PLCB1: variants seen among roughly 807,000 people sequenced by gnomAD.
PLCB1 encodes the protein phospholipase C beta 1, also known as 1-phosphatidylinositol 4,5-bisphosphate phosphodiesterase beta-1.
PLCB1 carries 46 observed loss-of-function variants against 161.8 expected under a neutral mutation model. The ratio of observed to expected loss-of-function variants is 0.28; its 90% CI spans 0.22 to 0.36. PLCB1 has a LOEUF of 0.36. Among genes scored for constraint, PLCB1 ranks in the 10% least tolerant of loss-of-function variants. The pLI is 1.00. For synonymous variants in PLCB1, 517 were observed against 503.7 expected (o/e 1.03, Z -0.35); for missense variants, 1,016 against 1,472.5 (o/e 0.69, Z 5.07).
At chr20:8,607,128 C>A (rs1035149422) in intron 3 of PLCB1, among the ~76,000 whole-genome samples, 2 of 152,188 alleles carry the variant, frequency 1.3e-5, no homozygotes, top group African/African-American at 4.8e-5. Context: ...CCATTTACCA[C>A]AGTCCCACAT....
chr20:8,519,464 C>T (rs1178356505), intron 3 of PLCB1, among the ~76,000 whole-genome samples: 1 of 152,054 alleles, frequency 6.6e-6, no homozygotes, highest in Non-Finnish European at 1.5e-5. Flanking sequence ...CAAAACGAAA[C>T]AAAGCACAGA....
Position 8,765,164 on chromosome 20 carries a change from A to G in PLCB1, c.2736A>G (p.Glu912=), listed in dbSNP as rs760894841. The change falls in exon 26 of 32, where the codon GAA becomes GAG. Residue 912 remains glutamate (E), a synonymous_variant. Transcript: ENST00000338037. ...AAGTGGAAGCACAGACCATCGAAGAACTAAAGCAACAGAAATCGTTTGTGA... is the reference window on the plus strand; with the variant it reads ...AAGTGGAAGCACAGACCATCGAAGAGCTAAAGCAACAGAAATCGTTTGTGA... ...LTEVEAQTIE[E]LKQQKSFVKL... is the part of the protein sequence containing the mutation. 4 of 1,613,810 alleles carry G rather than the reference A, an allele frequency of 2.5e-6. No individual in the cohort carries two copies. The Admixed American group carries it at 6.7e-5, about 27-fold the overall frequency.
At chr20:8,695,660 C>A (rs562238275) in intron 10 of PLCB1, among the ~76,000 whole-genome samples, 1 of 152,074 alleles carries the variant, frequency 6.6e-6, no homozygotes, top group African/African-American at 2.4e-5. Context: ...TATGATCACA[C>A]CACTGCACTC....
At position 8,599,928 on chromosome 20, in the gene PLCB1, C is replaced by T. The variant is rs1186569470; in HGVS notation, c.247-28366C>T. On this transcript the variant is annotated intron_variant, in intron 3 of 31. Coordinates refer to ENST00000338037, the MANE Select transcript of PLCB1 (RefSeq NM_015192.4). Reference sequence around the variant, plus strand: ...GCTTCTGCATTCTTCATGTAGTTCTCGAGCCTTGGTTTTCAGCTCCATCAG... The same window carrying T: ...GCTTCTGCATTCTTCATGTAGTTCTTGAGCCTTGGTTTTCAGCTCCATCAG... 3.1e-4 allele frequency among the ~76,000 whole-genome samples: 44 copies of T among 142,220 alleles called. No homozygotes were observed. In the Middle Eastern group the frequency reaches 0.019, roughly 60 times the overall value. The allele number at this position is 142,220 out of a possible 152,430, so 93.3% of individuals were successfully genotyped here. A position where few individuals can be genotyped will look rare whatever the true frequency, so the allele number is the denominator to read the frequency against.
chr20:8,578,633 GA>G (rs1368957432), intron 3 of PLCB1, among the ~76,000 whole-genome samples: 4 of 152,166 alleles, frequency 2.6e-5, no homozygotes, highest in Admixed American at 1.3e-4. Context: ...AATTCTTAGG[GA>G]AACAGCCTGT....
chr20:8,500,008 G>A (rs1013652408), intron 3 of PLCB1, among the ~76,000 whole-genome samples: 1 of 152,022 alleles, frequency 6.6e-6, no homozygotes, highest in Non-Finnish European at 1.5e-5. Context: ...ATGATGTAAG[G>A]AATTTACTAA....
chr20:8,133,346 A>G (rs903657504), intron 1 of PLCB1, among the ~76,000 whole-genome samples: 12 of 152,130 alleles, frequency 7.9e-5, no homozygotes, highest in Admixed American at 3.9e-4. Flanking sequence ...GCGGGGACAC[A>G]TCTGGGGAGG....
At chr20:8,778,020 G>C (rs936196524) in intron 27 of PLCB1, among the ~76,000 whole-genome samples, 1 of 152,082 alleles carries the variant, frequency 6.6e-6, no homozygotes, top group Non-Finnish European at 1.5e-5. Context: ...CCTCCCACCA[G>C]GTCCCGCCCA....
intron 14 of PLCB1, among the ~76,000 whole-genome samples, chr20:8,720,433 T>G (rs964444469): frequency 3.3e-5 from 5 of 152,198 alleles, no homozygotes; most frequent in African/African-American, 1.2e-4. Context: ...GCACCGCTAA[T>G]TTACCATTTG....
chr20:8,649,536 G>C, intron 7 of PLCB1, 87 bp downstream of exon 7: 1 of 902,408 alleles, frequency 1.1e-6, no homozygotes, highest in East Asian at 2.4e-5. Flanking sequence ...ACAGTTTTGA[G>C]AGGTAGGGCC....
At chr20:8,173,902 G>C (rs1278736986) in intron 2 of PLCB1, among the ~76,000 whole-genome samples, 1 of 152,174 alleles carries the variant, frequency 6.6e-6, no homozygotes, top group Non-Finnish European at 1.5e-5. Context: ...ATAGAAGATA[G>C]TGTCAGTGAA....
At chr20:8,234,771 A>C (rs1027142964) in intron 2 of PLCB1, among the ~76,000 whole-genome samples, 1 of 152,150 alleles carries the variant, frequency 6.6e-6, no homozygotes, top group Non-Finnish European at 1.5e-5. Context: ...TAGAAACAGT[A>C]TTTAACTAAA....
At chr20:8,444,496 C>T (rs2122624547) in intron 3 of PLCB1, among the ~76,000 whole-genome samples, 1 of 152,214 alleles carries the variant, frequency 6.6e-6, no homozygotes. Context: ...GTGAATAGTG[C>T]CGCAATAAAC....
chr20:8,390,398 A>G (rs1232778), intron 3 of PLCB1, among the ~76,000 whole-genome samples: 36,646 of 152,054 alleles, frequency 0.24, 4,665 homozygotes, highest in South Asian at 0.42. Context: ...ACCTCTTTAA[A>G]GCACTATTGC....
intron 31 of PLCB1, among the ~76,000 whole-genome samples, chr20:8,849,840 T>A (rs974604566): frequency 6.6e-6 from 1 of 151,086 alleles, no homozygotes; most frequent in African/African-American, 2.4e-5. Context: ...TGGTGAAACC[T>A]CATATCTACT....
intron 2 of PLCB1, among the ~76,000 whole-genome samples, chr20:8,267,588 A>T (rs78272530): frequency 0.012 from 1,782 of 152,258 alleles, 38 homozygotes; most frequent in African/African-American, 0.04. Context: ...CTCTGGTTTT[A>T]GAAAACTCAA....
chr20:8,754,798 A>G (rs1024166229), intron 23 of PLCB1, among the ~76,000 whole-genome samples: 3 of 152,306 alleles, frequency 2.0e-5, no homozygotes, highest in African/African-American at 4.8e-5. Context: ...TCAGTATAAG[A>G]TCACCTTAAT....
At chr20:8,730,942 A>G (rs1980208354) in intron 18 of PLCB1, among the ~76,000 whole-genome samples, 1 of 151,770 alleles carries the variant, frequency 6.6e-6, no homozygotes, top group Non-Finnish European at 1.5e-5. Context: ...ATAATAGCCT[A>G]TTTTTTGCAG....
At position 8,332,255 on chromosome 20, in the gene PLCB1, G is replaced by A. The variant is rs143272844; in HGVS notation, c.178-39127G>A. 3.9e-5 allele frequency among the ~76,000 whole-genome samples: 6 copies of A among 152,304 alleles called. No individual in the cohort carries two copies. The East Asian group carries it at 9.7e-4, about 25-fold the overall frequency. ...GGGGAAGGATTTGGGATGATTCATC[G>A]ACACTTGCTTTCCCAGATGCCTCTG... On this transcript the variant is annotated intron_variant, in intron 2 of 31. Transcript: ENST00000338037.
Sources: gnomAD v4.1 joint callset for allele counts (sites outside exome capture counted in the v4.1 genomes callset) on GRCh38, gnomAD v4.1.1 for gene constraint, MANE v1.5 for transcripts, NCBI Gene and HGNC (gene_info 2026-07-23, HGNC 2026-07-21) for gene names.